Variants in CLEC16A observed in about 807,000 individuals in gnomAD.
CLEC16A encodes C-type lectin domain containing 16A.
A neutral mutation model predicts 109.5 loss-of-function variants in CLEC16A; 51 were observed. The ratio of observed to expected loss-of-function variants is 0.47; its 90% confidence interval spans 0.37 to 0.59. The LOEUF (loss-of-function observed/expected upper bound fraction) is 0.59. Among genes scored for constraint, CLEC16A ranks in the 20% least tolerant of loss-of-function variants. The pLI, the probability that CLEC16A is intolerant of heterozygous loss-of-function variation, is 0.00. For synonymous variants in CLEC16A, 673 were observed against 564.2 expected, an observed-to-expected ratio of 1.19 and a Z score of -2.73; for missense variants, 1,339 against 1,394.0, an observed-to-expected ratio of 0.96 and a Z score of 0.63.
intron 19 of CLEC16A, among the ~76,000 whole-genome samples, chr16:11,114,215 C>G (rs1430228001): frequency 6.6e-6 from 1 of 151,234 alleles, no homozygotes; most frequent in Non-Finnish European, 1.5e-5. Context: ...CCCCCTTCCC[C>G]TCATCTGTGA....
chr16:11,156,937 C>CCCCCCCCCCCCCCCCCCAAA, intron 22 of CLEC16A: 1 of 293,876 alleles, frequency 3.4e-6, no homozygotes, highest in Non-Finnish European at 6.6e-6. Flanking sequence ...CCACCCACCC[C>CCCCCCCCCCCCCCCCCCAAA]CTGCCGGTAG....
At chr16:11,072,042 G>A (rs535765479) in intron 19 of CLEC16A, among the ~76,000 whole-genome samples, 13 of 152,178 alleles carry the variant, frequency 8.5e-5, no homozygotes, top group East Asian at 1.9e-4. Context: ...GTGTGTGTGC[G>A]GGTATAATGA....
chr16:11,146,025 G>A (rs1370055259), intron 22 of CLEC16A, among the ~76,000 whole-genome samples: 1 of 152,128 alleles, frequency 6.6e-6, no homozygotes, highest in Non-Finnish European at 1.5e-5. Flanking sequence ...ACCTTGCTAG[G>A]TATGCTCCTA....
intron 22 of CLEC16A, among the ~76,000 whole-genome samples, chr16:11,154,328 C>T (rs916030560): frequency 2.6e-5 from 4 of 152,198 alleles, no homozygotes; most frequent in Admixed American, 1.3e-4. Flanking sequence ...ATTCAACTCT[C>T]TATCAAAGAA....
At chr16:11,076,602 T>C (rs550173901) in intron 19 of CLEC16A, among the ~76,000 whole-genome samples, 1 of 152,298 alleles carries the variant, frequency 6.6e-6, no homozygotes, top group African/African-American at 2.4e-5. Flanking sequence ...CGGTGATTGC[T>C]CAGGCCTCAG....
intron 22 of CLEC16A, among the ~76,000 whole-genome samples, chr16:11,137,175 C>T (rs1245160710): frequency 1.4e-5 from 2 of 145,274 alleles, no homozygotes; most frequent in African/African-American, 5.3e-5. Context: ...ACATCCTAAG[C>T]CTTTTCTGTT....
chr16:10,982,987 G>T lies in CLEC16A; in HGVS notation c.1067G>T (p.Ser356Ile). ...AAGACTGAACAGGATATTCAGAGAA[G>T]TTCTGTAAGTCATTAGCTTCGGGAC... ...YAKTEQDIQR[S>I]SAKPSIRCFI... The change falls in exon 10 of 24, where the codon AGT becomes ATT. Residue 356 changes from serine to isoleucine, a missense_variant. By Grantham distance (142) the Ser-to-Ile change is moderately radical (BLOSUM62 -2). Coordinates refer to ENST00000409790, the MANE Select transcript of CLEC16A (RefSeq NM_015226.3). 6.4e-7 allele frequency: 1 copy of T among 1,565,040 alleles called. No homozygotes were observed. Among genetic ancestry groups the T allele is most frequent in the Non-Finnish European group, 8.8e-7 (1 of 1,135,524 alleles).
chr16:11,011,523 A>T (rs1257324572), intron 11 of CLEC16A, among the ~76,000 whole-genome samples: 3 of 152,046 alleles, frequency 2.0e-5, no homozygotes, highest in Non-Finnish European at 4.4e-5. Context: ...TTTCTGGCAT[A>T]ACATGGTGTT....
chr16:11,048,145 G>T (rs11865480), intron 17 of CLEC16A: 1 of 152,274 alleles, frequency 6.6e-6, no homozygotes, highest in South Asian at 2.1e-4. Context: ...CTGCCCGGCC[G>T]GTGAGTGGCA....
At chr16:11,171,629 G>C (rs2068516392) in intron 23 of CLEC16A, among the ~76,000 whole-genome samples, 1 of 152,166 alleles carries the variant, frequency 6.6e-6, no homozygotes, top group Admixed American at 6.5e-5. Context: ...AACATTTTAT[G>C]GTTTTGAGAA....
intron 10 of CLEC16A, among the ~76,000 whole-genome samples, chr16:10,999,345 T>C (rs1360828853): frequency 2.6e-5 from 4 of 152,238 alleles, no homozygotes; most frequent in African/African-American, 9.6e-5. Context: ...CCACTGCTTT[T>C]TTTAATTCCC....
At chr16:11,088,561 G>A (rs1324647501) in intron 19 of CLEC16A, among the ~76,000 whole-genome samples, 1 of 152,204 alleles carries the variant, frequency 6.6e-6, no homozygotes, top group Non-Finnish European at 1.5e-5. Flanking sequence ...TGCTCTCAGG[G>A]AGTGGGATTT....
At chr16:11,005,267 C>G (rs1250844024) in intron 11 of CLEC16A, among the ~76,000 whole-genome samples, 1 of 152,166 alleles carries the variant, frequency 6.6e-6, no homozygotes, top group Admixed American at 6.5e-5. Flanking sequence ...GCTGCTGTTT[C>G]AGCTTGAACT....
At chr16:11,038,543 TTCTTTAGGAG>T (rs2047148829) in intron 13 of CLEC16A, among the ~76,000 whole-genome samples, 1 of 152,200 alleles carries the variant, frequency 6.6e-6, no homozygotes, top group Non-Finnish European at 1.5e-5. Context: ...TCCTGTGTGC[TTCTTTAGGAG>T]AAATGACAAC....
At chr16:10,999,400 C>T (rs1484643294) in intron 10 of CLEC16A, among the ~76,000 whole-genome samples, 1 of 152,184 alleles carries the variant, frequency 6.6e-6, no homozygotes, top group African/African-American at 2.4e-5. Context: ...GGAAAAGTCG[C>T]ATTTACACCA....
rs756216789 is a variant in CLEC16A, at chr16:10,977,333, C to T, written c.837C>T (p.Leu279=). The change falls in exon 8 of 24, where the codon CTC becomes CTT. Residue 279 remains leucine (L), a synonymous_variant. Coordinates refer to ENST00000409790, the MANE Select transcript of CLEC16A (RefSeq NM_015226.3). The part of the protein sequence containing the change: ...IINCEFLNDV[L]TDHLLNRLFL... ...ACTGTGAGTTCCTCAACGATGTGCT[C>T]ACTGACCACCTGCTCAACAGGCTCT... The T allele has an allele frequency of 5.0e-6, 8 of 1,613,848 alleles. No homozygotes were observed. The East Asian group carries it at 1.3e-4, about 27-fold the overall frequency.
rs907153442 is a variant in CLEC16A at position 11,174,447 on chromosome 16, C to A, written c.2807-3888C>A. Among the ~76,000 whole-genome samples, 1 of 152,262 alleles carries A rather than the reference C, an allele frequency of 6.6e-6. No homozygotes were observed. Among genetic ancestry groups the A allele is most frequent in the African/African-American group, 2.4e-5 (1 of 41,470 alleles). ...CCCCAAAGTTGGTTCTCCCTGCTCC[C>A]TGTCTGGCCTCACCTCATGTGAAGA... On this transcript the variant is annotated intron_variant, in intron 23 of 23. Transcript: ENST00000409790. This position sits in a 1 kb window ranked among gnomAD's most constrained non-coding sequence, Gnocchi z 4.7.
chr16:11,098,780 G>A (rs1176506616), intron 19 of CLEC16A, among the ~76,000 whole-genome samples: 1 of 152,166 alleles, frequency 6.6e-6, no homozygotes, highest in African/African-American at 2.4e-5. Context: ...GCTGTGTGTG[G>A]GAGTAACTTT....
chr16:11,031,380 G>A (rs1009718974), intron 13 of CLEC16A, among the ~76,000 whole-genome samples: 8 of 152,190 alleles, frequency 5.3e-5, no homozygotes, highest in South Asian at 4.1e-4. Flanking sequence ...TGACCTGTAC[G>A]GGGAGCAGAG....
Sources: allele counts gnomAD v4.1 joint callset (sites outside exome capture counted in the v4.1 genomes callset), GRCh38; gene constraint gnomAD v4.1.1; non-coding constraint Gnocchi (gnomAD v3.1); transcripts MANE v1.5; gene names NCBI Gene and HGNC (gene_info 2026-07-23, HGNC 2026-07-21).